KIF5C: variants seen among roughly 807,000 people sequenced by gnomAD.
KIF5C encodes the protein kinesin family member 5C.
Under a neutral mutation model 125.2 loss-of-function variants are expected in KIF5C, and 18 were observed. That is an observed-to-expected ratio of 0.14 (90% CI 0.10 to 0.21). The LOEUF (loss-of-function observed/expected upper bound fraction) is 0.21. Among genes scored for constraint, KIF5C ranks in the 10% least tolerant of loss-of-function variants. KIF5C has a pLI of 1.00. For synonymous variants in KIF5C, 405 were observed against 434.0 expected (o/e 0.93, Z 0.83); for missense variants, 780 against 1,183.8 (o/e 0.66, Z 5.01).
chr2:149,013,531 G>C (rs187728106), intron 25 of KIF5C, among the ~76,000 whole-genome samples: 1 of 152,212 alleles, frequency 6.6e-6, no homozygotes, highest in Admixed American at 6.5e-5. Context: ...TTTAGAGCAA[G>C]GACAGGGAGA....
At chr2:149,004,402 C>T (rs1681943755) in intron 21 of KIF5C, among the ~76,000 whole-genome samples, 1 of 152,158 alleles carries the variant, frequency 6.6e-6, no homozygotes, top group Non-Finnish European at 1.5e-5. Flanking sequence ...AAATATTTTG[C>T]AAGGAACTGA....
In KIF5C at chr2:149,026,122, T is replaced by A. The variant is rs1682680634; in HGVS notation, c.*3052T>A. ...TCCCCTCTTTCGAAGTGCATTTTTT[T>A]AAAGCAGGGCAGGAGACATTTGGAC... On this transcript the variant is annotated 3_prime_UTR_variant, in exon 26 of 26. Coordinates refer to ENST00000435030, the MANE Select transcript of KIF5C (RefSeq NM_004522.3). 1 of 152,612 alleles carries A rather than the reference T, an allele frequency of 6.6e-6. No homozygotes were observed. The highest frequency in any genetic ancestry group is 2.4e-5 in the African/African-American group (1 of 41,438). 9.5% of individuals were successfully genotyped at this position (152,612 alleles called of 1,614,324 possible).
intron 21 of KIF5C, among the ~76,000 whole-genome samples, chr2:149,004,297 G>T (rs1681940490): frequency 6.6e-6 from 1 of 152,224 alleles, no homozygotes; most frequent in Admixed American, 6.5e-5. Context: ...ATGTGAGCGT[G>T]TGTGAGTTGC....
At chr2:148,964,275 CA>C (rs112943127) in intron 11 of KIF5C, among the ~76,000 whole-genome samples, 20,815 of 128,750 alleles carry the variant, frequency 0.16, 2,169 homozygotes, top group African/African-American at 0.32. Context: ...AACTCCATCT[CA>C]AAAAAAAAAA....
intron 10 of KIF5C, among the ~76,000 whole-genome samples, chr2:148,958,215 C>A (rs1006114685): frequency 6.6e-6 from 1 of 152,044 alleles, no homozygotes; most frequent in Non-Finnish European, 1.5e-5. Context: ...TAGGTGGGAG[C>A]AGGTCATAAG....
At chr2:149,021,441 T>G (rs1052714975) in intron 25 of KIF5C, among the ~76,000 whole-genome samples, 3 of 152,082 alleles carry the variant, frequency 2.0e-5, no homozygotes, top group Admixed American at 1.3e-4. Context: ...CCGTATTTCT[T>G]CTCCCTTTTT....
intron 1 of KIF5C, among the ~76,000 whole-genome samples, chr2:148,882,539 A>T (rs1425185513): frequency 6.6e-6 from 1 of 151,934 alleles, no homozygotes; most frequent in Non-Finnish European, 1.5e-5. Flanking sequence ...CTCACCCCAT[A>T]TTTCATCTGT....
At chr2:148,887,243 C>A (rs569746287) in intron 1 of KIF5C, among the ~76,000 whole-genome samples, 2 of 152,222 alleles carry the variant, frequency 1.3e-5, no homozygotes, top group South Asian at 2.1e-4. Flanking sequence ...TCACCTCTTT[C>A]TTTGTACTTC....
At chr2:148,960,139 T>G (rs1051836643) in intron 10 of KIF5C, among the ~76,000 whole-genome samples, 1 of 152,226 alleles carries the variant, frequency 6.6e-6, no homozygotes, top group Non-Finnish European at 1.5e-5. Flanking sequence ...TTGTTAAAAG[T>G]ATTTTGAGAA....
At position 148,949,762 on chromosome 2, in the gene KIF5C, C is replaced by T. The variant is rs1682614002; in HGVS notation, c.715-77C>T. 9.8e-6 allele frequency: 15 copies of T among 1,535,576 alleles called. No individual in the cohort carries two copies. The South Asian group carries it at 1.6e-4, about 17-fold the overall frequency. ...TTTCCAGGAGGCTGTCCCCCTTTGC[C>T]CTCGTGTGAATTTGAAATTTCTACT... On this transcript the variant is annotated intron_variant, in intron 8 of 25. Coordinates refer to ENST00000435030, the MANE Select transcript of KIF5C (RefSeq NM_004522.3).
chr2:148,976,989 G>A (rs750697687), intron 12 of KIF5C, among the ~76,000 whole-genome samples: 1 of 152,182 alleles, frequency 6.6e-6, no homozygotes, highest in Non-Finnish European at 1.5e-5. Context: ...CAGAGTGAGC[G>A]TGCTTATGCA....
chr2:149,013,611 A>G (rs373443660), intron 25 of KIF5C, among the ~76,000 whole-genome samples: 29 of 152,220 alleles, frequency 1.9e-4, no homozygotes, highest in African/African-American at 7.0e-4. Flanking sequence ...GCACTGGGCT[A>G]GATGTAATAT....
intron 8 of KIF5C, among the ~76,000 whole-genome samples, chr2:148,948,245 T>C (rs868098130): frequency 1.5e-4 from 23 of 150,144 alleles, no homozygotes; most frequent in Admixed American, 3.3e-4. Context: ...TAGTCCCAGC[T>C]ACTCGGGAGG....
At chr2:148,961,461 T>A (rs959246688) in intron 10 of KIF5C, among the ~76,000 whole-genome samples, 14 of 152,150 alleles carry the variant, frequency 9.2e-5, no homozygotes, top group Non-Finnish European at 1.5e-4. Context: ...ATTCTATTAT[T>A]TCTGTCTGTG....
chr2:148,989,498 A>G lies in KIF5C; in HGVS notation c.1717-1512A>G, dbSNP rs746524732. The stretch of plus-strand genomic sequence containing the variant: ...AATGACATCTTTTCTTTGGGTAGAT[A>G]CCCAGTAGTGGGATTGCTGGATTGA... On this transcript the variant is annotated intron_variant, in intron 15 of 25. Transcript: ENST00000435030. Among the ~76,000 whole-genome samples, 12 of 152,298 alleles carry G rather than the reference A, an allele frequency of 7.9e-5. No individual in the cohort carries two copies. In the South Asian group the frequency reaches 8.3e-4, roughly 11 times the overall value.
In KIF5C at chr2:149,000,603, G is replaced by A. The variant is rs1574827896; in HGVS notation, c.2312+79G>A. 1.5e-5 allele frequency: 24 copies of A among 1,571,278 alleles called. No individual in the cohort carries two copies. In the East Asian group the frequency reaches 4.8e-4, roughly 31 times the overall value. On this transcript the variant is annotated intron_variant, in intron 20 of 25. Transcript: ENST00000435030. ...GTTAGATTGGGCTAATTTAAAAACA[G>A]ACAATGGCTATTTGTGTGCTTGTTG...
At chr2:148,936,189 C>T (rs1682286385) in intron 3 of KIF5C, among the ~76,000 whole-genome samples, 2 of 152,188 alleles carry the variant, frequency 1.3e-5, no homozygotes. Flanking sequence ...ACTAGGGAAG[C>T]TGAGGATCAC....
intron 1 of KIF5C, among the ~76,000 whole-genome samples, chr2:148,909,677 G>A (rs1174202053): frequency 6.6e-6 from 1 of 152,192 alleles, no homozygotes. Flanking sequence ...TTAATGCTGA[G>A]CAGAGTCTGA....
chr2:149,005,476 TTGTC>T lies in KIF5C; in HGVS notation c.2445+15_2445+18del. ...CCCGAGTTAAAAAAGTGAGTTCTCT[TTGTC>T]TGAATGGGACTGAGAAGAAAATCAA... On this transcript the variant is annotated intron_variant, in intron 22 of 25. Transcript: ENST00000435030. The T allele has an allele frequency of 6.2e-7, 1 of 1,613,152 alleles. No individual in the cohort carries two copies.
Sources: allele counts gnomAD v4.1 joint callset (sites outside exome capture counted in the v4.1 genomes callset), GRCh38; gene constraint gnomAD v4.1.1; transcripts MANE v1.5; gene names NCBI Gene and HGNC (gene_info 2026-07-23, HGNC 2026-07-21).